The following ADAMTS6 variants were observed in gnomAD, a reference collection of about 807,000 sequenced individuals.
ADAMTS6 encodes the protein ADAM metallopeptidase with thrombospondin type 1 motif 6, also known as A disintegrin and metalloproteinase with thrombospondin motifs 6.
A neutral mutation model predicts 144.3 loss-of-function variants in ADAMTS6; 23 were observed. The observed-to-expected ratio is 0.16, with a 90% CI of 0.11 to 0.23. ADAMTS6 has a LOEUF of 0.23. ADAMTS6 is among the 10% of genes least tolerant of loss of function. The pLI is 1.00. For synonymous variants in ADAMTS6, 444 were observed against 457.5 expected, an observed-to-expected ratio of 0.97 and a Z score of 0.38; for missense variants, 999 against 1,379.6, an observed-to-expected ratio of 0.72 and a Z score of 4.37.
intron 14 of ADAMTS6, among the ~76,000 whole-genome samples, chr5:65,250,422 C>T (rs1237287650): frequency 6.6e-6 from 1 of 152,076 alleles, no homozygotes; most frequent in African/African-American, 2.4e-5. Context: ...ACAACCAAAG[C>T]AAAAACACTG....
chr5:65,214,997 A>T lies in ADAMTS6; in HGVS notation c.2437-65T>A, dbSNP rs1756811627. The T allele has an allele frequency of 6.5e-7, 1 of 1,527,502 alleles. No individual in the cohort carries two copies. The highest frequency in any genetic ancestry group is 2.1e-5 in the Admixed American group (1 of 47,328). The allele number at this position is 1,527,502 out of a possible 1,614,324, so 94.6% of individuals were successfully genotyped here. On this transcript the variant is annotated intron_variant, in intron 19 of 24. Transcript: ENST00000381055. The surrounding 1 kb of genome is among the most constrained non-coding windows in gnomAD (Gnocchi z 4.6). ...ATGAGCCTTCATTCAGATATTTATT[A>T]TTCCTTTTGAAGAAGAAAATGTCAA...
rs543873693 is a variant in ADAMTS6 at position 65,470,230 on chromosome 5, C to A, written c.462+548G>T. ...TGAGCCACCTCACCCAGCCTAGAAC[C>A]CATTTTCTAACTAAAATAAGATTTA... is the stretch of plus-strand genomic sequence containing the variant. On this transcript the variant is annotated intron_variant, in intron 3 of 24. Coordinates refer to ENST00000381055, the MANE Select transcript of ADAMTS6 (RefSeq NM_197941.4). Among the ~76,000 whole-genome samples the A allele has an allele frequency of 2.6e-4, 39 of 152,140 alleles. No individual in the cohort carries two copies. In the South Asian group the frequency reaches 5.2e-3, roughly 20 times the overall value.
chr5:65,379,093 G>A (rs186365225), intron 7 of ADAMTS6, among the ~76,000 whole-genome samples: 339 of 152,250 alleles, frequency 2.2e-3, no homozygotes, highest in Non-Finnish European at 3.7e-3. Context: ...AATAAAGCCA[G>A]TCATCAAACA....
intron 7 of ADAMTS6, among the ~76,000 whole-genome samples, chr5:65,405,577 T>C (rs975929625): frequency 3.3e-5 from 5 of 152,134 alleles, no homozygotes; most frequent in Non-Finnish European, 7.4e-5. Flanking sequence ...AGTCAGGTAG[T>C]GTGATGCCTC....
At chr5:65,340,674 T>C (rs188055640) in intron 7 of ADAMTS6, among the ~76,000 whole-genome samples, 1 of 151,274 alleles carries the variant, frequency 6.6e-6, no homozygotes, top group African/African-American at 2.4e-5. Flanking sequence ...ACTGGCTAAA[T>C]AGATTTAAAA....
At chr5:65,208,102 T>C (rs544071502) in intron 20 of ADAMTS6, among the ~76,000 whole-genome samples, 1 of 152,346 alleles carries the variant, frequency 6.6e-6, no homozygotes, top group Non-Finnish European at 1.5e-5. Flanking sequence ...CCATCCCAGA[T>C]ACTCATTCCT....
At chr5:65,346,628 A>T (rs945784955) in intron 7 of ADAMTS6, among the ~76,000 whole-genome samples, 2 of 151,752 alleles carry the variant, frequency 1.3e-5, no homozygotes, top group East Asian at 3.9e-4. Flanking sequence ...TCCTAGGCAG[A>T]GCAATTAGGC....
At chr5:65,323,123 ATTG>A (rs1745785545) in intron 9 of ADAMTS6, among the ~76,000 whole-genome samples, 1 of 152,064 alleles carries the variant, frequency 6.6e-6, no homozygotes, top group African/African-American at 2.4e-5. Context: ...TTTTAATTTT[ATTG>A]TTATTATACT....
At chr5:65,347,813 T>C (rs1249830197) in intron 7 of ADAMTS6, among the ~76,000 whole-genome samples, 1 of 151,844 alleles carries the variant, frequency 6.6e-6, no homozygotes, top group Non-Finnish European at 1.5e-5. Flanking sequence ...ATCACCCTAT[T>C]AAAAATGTAC....
chr5:65,329,299 C>T (rs1327623433), intron 9 of ADAMTS6, 79 bp downstream of exon 9: 5 of 1,287,334 alleles, frequency 3.9e-6, no homozygotes, highest in Middle Eastern at 3.7e-4. Flanking sequence ...AGGTTCAGCA[C>T]AGCCTTTCCA....
chr5:65,314,359 C>A (rs550726434), intron 9 of ADAMTS6, among the ~76,000 whole-genome samples: 3 of 151,946 alleles, frequency 2.0e-5, no homozygotes, highest in Non-Finnish European at 4.4e-5. Context: ...CACATCCACA[C>A]CCACACCCCA....
chr5:65,435,406 AC>A (rs1443854296), intron 7 of ADAMTS6, among the ~76,000 whole-genome samples: 1 of 152,144 alleles, frequency 6.6e-6, no homozygotes, highest in African/African-American at 2.4e-5. Flanking sequence ...AAAAATGTTT[AC>A]ATCTGCTAAA....
At chr5:65,442,682 T>C (rs1757957236) in intron 7 of ADAMTS6, among the ~76,000 whole-genome samples, 1 of 152,208 alleles carries the variant, frequency 6.6e-6, no homozygotes, top group Admixed American at 6.5e-5. Context: ...TATATATATT[T>C]TTATTGATTT....
At chr5:65,453,439 G>A (rs1758916263) in intron 4 of ADAMTS6, among the ~76,000 whole-genome samples, 1 of 152,110 alleles carries the variant, frequency 6.6e-6, no homozygotes, top group Non-Finnish European at 1.5e-5. Context: ...AATTCTAAAA[G>A]GCAACGAATT....
chr5:65,331,615 T>A (rs2150060522), intron 8 of ADAMTS6, among the ~76,000 whole-genome samples: 1 of 152,188 alleles, frequency 6.6e-6, no homozygotes, highest in East Asian at 1.9e-4. Flanking sequence ...TTAATGGCGA[T>A]TTGATAACTA....
At chr5:65,302,089 C>T (rs1354905122) in intron 9 of ADAMTS6, among the ~76,000 whole-genome samples, 8 of 85,638 alleles carry the variant, frequency 9.3e-5, no homozygotes, top group African/African-American at 5.1e-4. Flanking sequence ...AAGGCTCTGT[C>T]TCCAAAAAAA....
intron 7 of ADAMTS6, among the ~76,000 whole-genome samples, chr5:65,343,115 C>G (rs532766583): frequency 6.6e-6 from 1 of 152,098 alleles, no homozygotes; most frequent in African/African-American, 2.4e-5. Flanking sequence ...TTAAAATGAC[C>G]ATACTACCCA....
chr5:65,184,809 T>C (rs1256716993), intron 22 of ADAMTS6, among the ~76,000 whole-genome samples: 1 of 151,952 alleles, frequency 6.6e-6, no homozygotes, highest in African/African-American at 2.4e-5. Flanking sequence ...TTAACTTTTT[T>C]TTTTTTCCTT....
intron 7 of ADAMTS6, among the ~76,000 whole-genome samples, chr5:65,437,160 T>C (rs1398789309): frequency 6.6e-6 from 1 of 151,334 alleles, no homozygotes; most frequent in Non-Finnish European, 1.5e-5. Flanking sequence ...AGTGGTGCGA[T>C]CTCGGCTCAC....
Sources: allele counts gnomAD v4.1 joint callset (sites outside exome capture counted in the v4.1 genomes callset), GRCh38; gene constraint gnomAD v4.1.1; non-coding constraint Gnocchi (gnomAD v3.1); transcripts MANE v1.5; gene names NCBI Gene and HGNC (gene_info 2026-07-23, HGNC 2026-07-21).